The following FSTL4 variants were observed in gnomAD, a reference collection of about 807,000 sequenced individuals.
The protein encoded by FSTL4 is follistatin like 4.
Under a neutral mutation model 78.2 loss-of-function variants are expected in FSTL4, and 28 were observed. The observed-to-expected ratio is 0.36, with a 90% confidence interval of 0.27 to 0.49. The LOEUF (loss-of-function observed/expected upper bound fraction) is 0.49, where lower values mean the gene tolerates loss of function less well. Ranked by LOEUF, FSTL4 falls within the 20% of genes least tolerant of loss-of-function variation. The pLI is 0.98. For missense variants in FSTL4, 922 were observed against 1,084.9 expected (o/e 0.85, Z 2.11); for synonymous variants, 422 against 440.5 (o/e 0.96, Z 0.53).
chr5:133,278,295 G>A (rs1752932834), intron 6 of FSTL4, among the ~76,000 whole-genome samples: 1 of 152,152 alleles, frequency 6.6e-6, no homozygotes, highest in South Asian at 2.1e-4. Context: ...TGGAGCAAAG[G>A]GGTCTTGTGA....
At chr5:133,682,193 C>T in the FSTL4 span, among the ~76,000 whole-genome samples, 1 of 152,200 alleles carries the variant, frequency 6.6e-6, no homozygotes, top group African/African-American at 2.4e-5. Context: ...CCTATTCAGA[C>T]ATGACATCCA....
intron 3 of FSTL4, among the ~76,000 whole-genome samples, chr5:133,477,857 A>C (rs1309578000): frequency 1.3e-5 from 2 of 152,228 alleles, no homozygotes; most frequent in Non-Finnish European, 2.9e-5. Context: ...CAAATAATTA[A>C]ATTAATAACT....
At chr5:133,581,879 G>A (rs1760419163) in intron 2 of FSTL4, among the ~76,000 whole-genome samples, 1 of 152,202 alleles carries the variant, frequency 6.6e-6, no homozygotes, top group Non-Finnish European at 1.5e-5. Context: ...TGCCCCAGTG[G>A]GCCTGGCCAG....
chr5:133,232,471 C>T (rs1163286551), intron 8 of FSTL4, among the ~76,000 whole-genome samples: 2 of 152,194 alleles, frequency 1.3e-5, no homozygotes, highest in Admixed American at 6.5e-5. Flanking sequence ...CCAGCTCTGA[C>T]CATCTGTGTC....
At chr5:133,217,147 G>A in intron 13 of FSTL4, 82 bp downstream of exon 13, 1 of 1,138,776 alleles carries the variant, frequency 8.8e-7, no homozygotes, top group Non-Finnish European at 1.3e-6. Flanking sequence ...CAGGAGCTGG[G>A]GAGTATGCAG....
At chr5:133,595,559 G>A (rs996020342) in intron 2 of FSTL4, among the ~76,000 whole-genome samples, 2 of 152,230 alleles carry the variant, frequency 1.3e-5, no homozygotes, top group African/African-American at 4.8e-5. Context: ...GGGCTGCCTT[G>A]CTACGTGATA....
At chr5:133,786,141 G>T in the FSTL4 span, among the ~76,000 whole-genome samples, 1 of 152,104 alleles carries the variant, frequency 6.6e-6, no homozygotes, top group African/African-American at 2.4e-5. Context: ...ACCCAAGCAA[G>T]CCCAGTTTTG....
chr5:133,469,930 ACT>A (rs1757787028), intron 3 of FSTL4, among the ~76,000 whole-genome samples: 2 of 151,668 alleles, frequency 1.3e-5, no homozygotes, highest in South Asian at 4.2e-4. Flanking sequence ...TATGTGGAAA[ACT>A]CTCTTATGCA....
the FSTL4 span, among the ~76,000 whole-genome samples, chr5:133,747,032 A>AG: frequency 3.3e-5 from 5 of 152,140 alleles, no homozygotes; most frequent in Non-Finnish European, 7.4e-5. Context: ...GGGCACTGTG[A>AG]GGGGAGATGA....
chr5:133,765,740 A>G, the FSTL4 span, among the ~76,000 whole-genome samples: 1 of 152,206 alleles, frequency 6.6e-6, no homozygotes, highest in African/African-American at 2.4e-5. Flanking sequence ...AGGGAGGGGT[A>G]AAGGATTGGA....
At chr5:133,325,037 A>G (rs1198545871) in intron 4 of FSTL4, among the ~76,000 whole-genome samples, 2 of 152,204 alleles carry the variant, frequency 1.3e-5, no homozygotes, top group African/African-American at 2.4e-5. Context: ...GTTGCATAGA[A>G]GTGTGGTGGG....
intron 4 of FSTL4, among the ~76,000 whole-genome samples, chr5:133,399,283 C>G (rs1172851691): frequency 6.6e-6 from 1 of 152,200 alleles, no homozygotes; most frequent in Admixed American, 6.5e-5. Flanking sequence ...CGTGGCTGGG[C>G]AGTGCTTCCA....
chr5:133,240,268 A>G (rs1371500610), intron 7 of FSTL4, among the ~76,000 whole-genome samples: 2 of 152,234 alleles, frequency 1.3e-5, no homozygotes, highest in East Asian at 1.9e-4. Flanking sequence ...TCTTGAAGTC[A>G]GTGAGACCAA....
chr5:133,251,279 C>T (rs1159518602), intron 6 of FSTL4, among the ~76,000 whole-genome samples: 1 of 152,156 alleles, frequency 6.6e-6, no homozygotes, highest in African/African-American at 2.4e-5. Context: ...TCAGCATTCT[C>T]CCCAAGAGTA....
chr5:133,594,914 A>G (rs974502716), intron 2 of FSTL4, among the ~76,000 whole-genome samples: 1 of 152,234 alleles, frequency 6.6e-6, no homozygotes, highest in African/African-American at 2.4e-5. Flanking sequence ...GGAGTCTTAT[A>G]CCTACTTAAT....
At chr5:133,522,234 T>C (rs1758996073) in intron 3 of FSTL4, among the ~76,000 whole-genome samples, 1 of 152,172 alleles carries the variant, frequency 6.6e-6, no homozygotes, top group Non-Finnish European at 1.5e-5. Flanking sequence ...TAATTCAGCA[T>C]TTAATCACAC....
At chr5:133,757,117 G>A in the FSTL4 span, among the ~76,000 whole-genome samples, 17 of 152,098 alleles carry the variant, frequency 1.1e-4, no homozygotes, top group African/African-American at 3.6e-4. Context: ...CTGCACAAAT[G>A]GTCTAACCTG....
intron 4 of FSTL4, among the ~76,000 whole-genome samples, chr5:133,396,624 A>T (rs1756055177): frequency 6.6e-6 from 1 of 152,224 alleles, no homozygotes; most frequent in Non-Finnish European, 1.5e-5. Context: ...AGGACAGAGA[A>T]TACTTGTGGA....
At chr5:133,332,719 T>C (rs528105478) in intron 4 of FSTL4, among the ~76,000 whole-genome samples, 1 of 152,088 alleles carries the variant, frequency 6.6e-6, no homozygotes, top group South Asian at 2.1e-4. Flanking sequence ...TGAGAAATCA[T>C]CTGGTAAGTG....
Sources: allele counts gnomAD v4.1 joint callset (sites outside exome capture counted in the v4.1 genomes callset), GRCh38; gene constraint gnomAD v4.1.1; transcripts MANE v1.5; gene names NCBI Gene and HGNC (gene_info 2026-07-23, HGNC 2026-07-21).